The following MYRIP variants were observed in gnomAD, a reference collection of about 807,000 sequenced individuals.
MYRIP encodes the protein myosin VIIA and Rab interacting protein, also known as rab effector MyRIP.
A neutral mutation model predicts 98.0 loss-of-function variants in MYRIP; 49 were observed. The ratio of observed to expected loss-of-function variants is 0.50; its 90% CI spans 0.40 to 0.63. MYRIP has a LOEUF of 0.63. Ranked by LOEUF, MYRIP falls within the 30% of genes least tolerant of loss-of-function variation. MYRIP has a pLI of 0.00. For synonymous variants in MYRIP, 404 were observed against 409.5 expected (o/e 0.99, Z 0.16); for missense variants, 1,004 against 1,058.2 (o/e 0.95, Z 0.71).
chr3:40,195,032 CTCTT>C (rs1184575385), intron 10 of MYRIP, among the ~76,000 whole-genome samples: 1 of 152,040 alleles, frequency 6.6e-6, no homozygotes, highest in Non-Finnish European at 1.5e-5. Flanking sequence ...ATACTTATTT[CTCTT>C]TCTTTTTTTA....
At chr3:40,225,425 T>C (rs1012473100) in intron 11 of MYRIP, among the ~76,000 whole-genome samples, 6 of 152,312 alleles carry the variant, frequency 3.9e-5, no homozygotes, top group Non-Finnish European at 8.8e-5. Context: ...GTCGTTAGAC[T>C]CCTCTCTTCC....
At chr3:40,096,991 G>A (rs1276112193) in intron 3 of MYRIP, among the ~76,000 whole-genome samples, 1 of 152,138 alleles carries the variant, frequency 6.6e-6, no homozygotes, top group African/African-American at 2.4e-5. Context: ...CAGCAGCCCT[G>A]CCAACAACTC....
intron 2 of MYRIP, among the ~76,000 whole-genome samples, chr3:39,960,365 C>A (rs1945291780): frequency 6.6e-6 from 1 of 152,240 alleles, no homozygotes; most frequent in South Asian, 2.1e-4. Flanking sequence ...GTAAAAAACA[C>A]ATGAGTCCTA....
intron 3 of MYRIP, among the ~76,000 whole-genome samples, chr3:40,140,764 T>G (rs1360354402): frequency 2.0e-5 from 3 of 152,214 alleles, no homozygotes; most frequent in Non-Finnish European, 4.4e-5. Flanking sequence ...GTATGTCTTT[T>G]TTAAAATTTT....
rs192786968 is a variant in MYRIP, at chr3:40,199,275, C to T, written c.1665+8812C>T. Among the ~76,000 whole-genome samples, 9 of 152,300 alleles carry T rather than the reference C, an allele frequency of 5.9e-5. No individual in the cohort carries two copies. The East Asian group carries it at 1.7e-3, about 29-fold the overall frequency. On this transcript the variant is annotated intron_variant, in intron 10 of 16. Transcript: ENST00000302541. Reference sequence around the variant, plus strand: ...GATTCACACTCTGGGGGTTGCTTCTCATAATGTCACTCAATGTTGGCCAAT... The same window carrying T: ...GATTCACACTCTGGGGGTTGCTTCTTATAATGTCACTCAATGTTGGCCAAT...
chr3:40,023,282 A>G (rs1947040466), intron 2 of MYRIP, among the ~76,000 whole-genome samples: 1 of 152,236 alleles, frequency 6.6e-6, no homozygotes, highest in South Asian at 2.1e-4. Context: ...CTGATGTGTC[A>G]GTCAGGGTTC....
intron 2 of MYRIP, among the ~76,000 whole-genome samples, chr3:39,921,931 C>T (rs1414105336): frequency 6.7e-6 from 1 of 148,430 alleles, no homozygotes; most frequent in African/African-American, 2.5e-5. Flanking sequence ...ACTTCCCCTT[C>T]TGGGAAGATG....
chr3:40,131,823 TC>T (rs1949649241), intron 3 of MYRIP, among the ~76,000 whole-genome samples: 1 of 152,100 alleles, frequency 6.6e-6, no homozygotes, highest in South Asian at 2.1e-4. Flanking sequence ...AGGACAAATT[TC>T]CCCCTCCCTC....
At chr3:39,901,442 G>A (rs1391889825) in intron 2 of MYRIP, among the ~76,000 whole-genome samples, 1 of 152,160 alleles carries the variant, frequency 6.6e-6, no homozygotes, top group African/African-American at 2.4e-5. Context: ...AGAGGAAACT[G>A]AAGCCTGAAG....
intron 1 of MYRIP, among the ~76,000 whole-genome samples, chr3:39,813,745 T>C (rs1372254432): frequency 6.6e-6 from 1 of 152,200 alleles, no homozygotes; most frequent in African/African-American, 2.4e-5. Context: ...TTGCTGAAAA[T>C]AGAAAATTCT....
At chr3:40,059,683 A>C (rs1007289531) in intron 3 of MYRIP, among the ~76,000 whole-genome samples, 1 of 152,088 alleles carries the variant, frequency 6.6e-6, no homozygotes, top group African/African-American at 2.4e-5. Flanking sequence ...GGTTTTCCAT[A>C]GTGCGAAATC....
At chr3:39,957,631 C>T (rs2125727250) in intron 2 of MYRIP, among the ~76,000 whole-genome samples, 1 of 152,182 alleles carries the variant, frequency 6.6e-6, no homozygotes, top group East Asian at 1.9e-4. Flanking sequence ...GACAGGGATG[C>T]CCTCTCTCAC....
intron 16 of MYRIP, among the ~76,000 whole-genome samples, chr3:40,255,660 T>TAAGTC (rs773797778): frequency 5.9e-5 from 9 of 152,230 alleles, no homozygotes; most frequent in Admixed American, 2.6e-4. Flanking sequence ...ATAAAGTAGT[T>TAAGTC]AAGTCATGAG....
chr3:40,178,124 G>GT (rs1950808087), intron 8 of MYRIP, among the ~76,000 whole-genome samples: 1 of 152,132 alleles, frequency 6.6e-6, no homozygotes, highest in South Asian at 2.1e-4. Flanking sequence ...TTCTTTCCCT[G>GT]TTTTTTACTG....
intron 11 of MYRIP, among the ~76,000 whole-genome samples, chr3:40,221,082 G>T (rs1952324630): frequency 6.9e-6 from 1 of 144,384 alleles, no homozygotes; most frequent in Non-Finnish European, 1.5e-5. Context: ...AATGTAAATG[G>T]ACAATAAGCA....
At chr3:39,912,864 A>T (rs1944056612) in intron 2 of MYRIP, among the ~76,000 whole-genome samples, 2 of 152,140 alleles carry the variant, frequency 1.3e-5, no homozygotes, top group Admixed American at 1.3e-4. Context: ...ATATGGCAAA[A>T]CCCTGTCTCT....
intron 1 of MYRIP, among the ~76,000 whole-genome samples, chr3:39,859,352 CA>C (rs1942394887): frequency 6.6e-6 from 1 of 152,024 alleles, no homozygotes; most frequent in South Asian, 2.1e-4. Flanking sequence ...CTGAACAGAC[CA>C]ATAATGAATA....
chr3:39,824,046 G>A (rs1220495881), intron 1 of MYRIP, among the ~76,000 whole-genome samples: 1 of 152,104 alleles, frequency 6.6e-6, no homozygotes, highest in Admixed American at 6.5e-5. Context: ...GCGAGAAGTG[G>A]AGGTATAGTT....
At chr3:39,893,426 G>A (rs1053906537) in intron 1 of MYRIP, among the ~76,000 whole-genome samples, 2 of 152,012 alleles carry the variant, frequency 1.3e-5, no homozygotes, top group African/African-American at 2.4e-5. Context: ...AGCTGGTATT[G>A]TACCACCTCT....
Sources: allele counts gnomAD v4.1 joint callset (sites outside exome capture counted in the v4.1 genomes callset), GRCh38; gene constraint gnomAD v4.1.1; transcripts MANE v1.5; gene names NCBI Gene and HGNC (gene_info 2026-07-23, HGNC 2026-07-21).